The following TRPV1 variants were observed in gnomAD, a reference collection of about 807,000 sequenced individuals.
The protein encoded by TRPV1 is transient receptor potential cation channel subfamily V member 1.
In TRPV1, 82 loss-of-function variants were observed where a neutral mutation model predicts 82.3. That is an observed-to-expected ratio of 1.00 (90% confidence interval 0.83 to 1.20). TRPV1 has a LOEUF of 1.20. Ranked by LOEUF, TRPV1 falls within the 50% of genes most tolerant of loss-of-function variation. The pLI is 0.00. For synonymous variants in TRPV1, 515 were observed against 467.7 expected (o/e 1.10, Z -1.30); for missense variants, 1,067 against 1,096.8 (o/e 0.97, Z 0.38).
At chr17:3,586,498 G>A (rs2150843365) in intron 8 of TRPV1, among the ~76,000 whole-genome samples, 1 of 152,394 alleles carries the variant, frequency 6.6e-6, no homozygotes, top group South Asian at 2.1e-4. Flanking sequence ...TAGGCCGGGT[G>A]TAGTGGCTCA....
At chr17:3,577,358 T>C (rs866889408) in intron 12 of TRPV1, among the ~76,000 whole-genome samples, 166 bp from the exon 13 acceptor site, 12 of 152,164 alleles carry the variant, frequency 7.9e-5, no homozygotes, top group Non-Finnish European at 1.5e-4. Flanking sequence ...CCTTCCCCCA[T>C]AGCCTTTGTT....
In TRPV1 at chr17:3,571,650, A is replaced by G; in HGVS notation, c.2232-11T>C. 6.3e-7 allele frequency: 1 copy of G among 1,592,124 alleles called. No individual in the cohort carries two copies. Among genetic ancestry groups the G allele is most frequent in the East Asian group, 2.3e-5 (1 of 44,194 alleles). On this transcript the variant is annotated splice_polypyrimidine_tract_variant and intron_variant, in intron 15 of 16. Coordinates refer to ENST00000572705, the MANE Select transcript of TRPV1 (RefSeq NM_080704.4). The stretch of plus-strand genomic sequence containing the variant: ...TTCACCTCGTCCACCCTGCAGGGTA[A>G]GGGGTCGGGAGAGCCTGAGAGCTGT...
intron 2 of TRPV1, among the ~76,000 whole-genome samples, chr17:3,594,974 G>A (rs576339475): frequency 2.0e-5 from 3 of 152,254 alleles, no homozygotes; most frequent in South Asian, 2.1e-4. Context: ...CCAGATGGCC[G>A]TCAGCCTTAA....
intron 8 of TRPV1, among the ~76,000 whole-genome samples, chr17:3,586,910 G>A (rs2075092207): frequency 6.6e-6 from 1 of 152,158 alleles, no homozygotes; most frequent in Non-Finnish European, 1.5e-5. Flanking sequence ...AGAGGTTCCT[G>A]ATCAGTGTCT....
intron 11 of TRPV1, chr17:3,578,085 A>G (rs1448292158): frequency 9.5e-6 from 2 of 210,388 alleles, no homozygotes; most frequent in African/African-American, 4.5e-5. Context: ...CATGCGGAGC[A>G]CAAGGTCAGG....
rs536064872 is a variant in TRPV1 at position 3,568,321 on chromosome 17, C to CA, written c.2348-1335dup. Among the ~76,000 whole-genome samples the CA allele has an allele frequency of 5.2e-3, 458 of 87,968 alleles. 2 individuals carry two copies. The highest frequency in any genetic ancestry group is 0.023 in the East Asian group (68 of 2,928). The allele number at this position is 87,968 out of a possible 152,430, so 57.7% of individuals were successfully genotyped here. On this transcript the variant is annotated intron_variant, in intron 16 of 16. Transcript: ENST00000572705. The stretch of plus-strand genomic sequence containing the variant: ...TGGGTGACAGAGCCAGACTCCGTCT[C>CA]AAAAAAAAAAAAAAAAGAAAAGAAA...
rs781494247 is a variant in TRPV1, at chr17:3,592,051, C to T, written c.284+16G>A. On this transcript the variant is annotated intron_variant, in intron 3 of 16. Transcript: ENST00000572705. Reference sequence around the variant, plus strand: ...TGGGCTCCCAGCAGGGAGGGGGGCTCCAGACGCGGACTTACCTGGCACCGG... The same window carrying T: ...TGGGCTCCCAGCAGGGAGGGGGGCTTCAGACGCGGACTTACCTGGCACCGG... 2 of 1,604,550 alleles carry T rather than the reference C, an allele frequency of 1.2e-6. No homozygotes were observed. Among genetic ancestry groups the T allele is most frequent in the Non-Finnish European group, 1.7e-6 (2 of 1,174,232 alleles).
intron 11 of TRPV1, 165 bp from the exon 12 acceptor site, chr17:3,577,928 G>T: frequency 1.6e-6 from 1 of 626,134 alleles, no homozygotes; most frequent in Non-Finnish European, 2.7e-6. Context: ...CGTGGAAGCA[G>T]CATCGTCCCC....
intron 2 of TRPV1, among the ~76,000 whole-genome samples, chr17:3,604,722 C>G (rs78145051): frequency 6.6e-6 from 1 of 152,086 alleles, no homozygotes; most frequent in Non-Finnish European, 1.5e-5. Context: ...CAGTGTGTGG[C>G]GGGAGGAAAA....
intron 5 of TRPV1, among the ~76,000 whole-genome samples, chr17:3,590,671 C>CCAGA: frequency 6.6e-6 from 1 of 152,136 alleles, no homozygotes; most frequent in East Asian, 1.9e-4. Flanking sequence ...GAGAGAAAGG[C>CCAGA]CAGAGGCTGT....
intron 8 of TRPV1, among the ~76,000 whole-genome samples, chr17:3,587,987 A>G (rs2075104987): frequency 6.6e-6 from 1 of 152,158 alleles, no homozygotes; most frequent in African/African-American, 2.4e-5. Flanking sequence ...TTCTGTTTTT[A>G]TGGGATGATA....
At chr17:3,589,031 A>C (rs1419937023) in intron 7 of TRPV1, 18 of 1,418,918 alleles carry the variant, frequency 1.3e-5, no homozygotes, top group African/African-American at 2.8e-5. Flanking sequence ...CATGCCTGTA[A>C]TCCCAGCTAC....
At chr17:3,592,720 A>T in intron 2 of TRPV1, 6 of 219,502 alleles carry the variant, frequency 2.7e-5, no homozygotes, top group Admixed American at 5.2e-5. Context: ...CTGCAGGGTG[A>T]GGTTGATAAC....
chr17:3,582,640 CAT>C (rs2075035710), intron 10 of TRPV1, among the ~76,000 whole-genome samples: 3 of 149,878 alleles, frequency 2.0e-5, no homozygotes, highest in South Asian at 2.1e-4. Context: ...AAGGATTGCA[CAT>C]GTTTGAGTTT....
chr17:3,580,419 T>G (rs761779852), intron 11 of TRPV1, 38 bp downstream of exon 11: 13 of 1,611,856 alleles, frequency 8.1e-6, no homozygotes, highest in Non-Finnish European at 1.1e-5. Context: ...TGCGGTCACC[T>G]GGGGACTGGA....
At chr17:3,598,966 C>G (rs113478927) in intron 2 of TRPV1, among the ~76,000 whole-genome samples, 2,838 of 150,468 alleles carry the variant, frequency 0.019, 82 homozygotes, top group African/African-American at 0.064. Flanking sequence ...AGGCCGGGCG[C>G]GGTGGCTCAT....
At chr17:3,586,007 A>G in intron 8 of TRPV1, 81 bp from the exon 9 acceptor site, 1 of 1,558,460 alleles carries the variant, frequency 6.4e-7, no homozygotes, top group Non-Finnish European at 8.7e-7. Flanking sequence ...GGTGCCCCTC[A>G]CAGCCATGTG....
At chr17:3,601,476 C>G (rs934207662) in intron 2 of TRPV1, among the ~76,000 whole-genome samples, 1 of 151,952 alleles carries the variant, frequency 6.6e-6, no homozygotes, top group African/African-American at 2.4e-5. Context: ...CGTGCTGACT[C>G]CACCCTTTCC....
Position 3,577,624 on chromosome 17 carries a change from C to A in TRPV1, c.1687G>T (p.Gly563Cys). The change falls in exon 12 of 17, where the codon GGC becomes TGC. Residue 563 changes from glycine to cysteine, a missense_variant. Transcript: ENST00000572705. ...TTCTCTATCATGACGGCATAGATGC[C>A]CATCTGCTGGAAACCGCGGGTGTAG... ...LYYTRGFQQMGIYAVMIEKMI... is the reference protein window; with the variant it reads ...LYYTRGFQQMCIYAVMIEKMI... The A allele has an allele frequency of 6.3e-7, 1 of 1,583,076 alleles. No individual in the cohort carries two copies. Among genetic ancestry groups the A allele is most frequent in the South Asian group, 1.2e-5 (1 of 86,276 alleles).
Sources: allele counts gnomAD v4.1 joint callset (sites outside exome capture counted in the v4.1 genomes callset), GRCh38; gene constraint gnomAD v4.1.1; transcripts MANE v1.5; gene names NCBI Gene and HGNC (gene_info 2026-07-23, HGNC 2026-07-21).